The following KAT6A variants were observed in gnomAD, a reference collection of about 807,000 sequenced individuals.
KAT6A encodes histone acetyltransferase KAT6A.
KAT6A carries 9 observed loss-of-function variants against 198.4 expected under a neutral mutation model. The ratio of observed to expected loss-of-function variants is 0.05; its 90% CI spans 0.03 to 0.08. The LOEUF is 0.08. Among genes scored for constraint, KAT6A ranks in the 10% least tolerant of loss-of-function variants. KAT6A has a pLI of 1.00. For synonymous variants in KAT6A, 890 were observed against 883.0 expected (o/e 1.01, Z -0.14); for missense variants, 2,077 against 2,509.9 (o/e 0.83, Z 3.69).
intron 8 of KAT6A, among the ~76,000 whole-genome samples, chr8:41,961,657 G>C (rs1367009563): frequency 6.6e-6 from 1 of 151,026 alleles, no homozygotes; most frequent in African/African-American, 2.4e-5. Flanking sequence ...GGAGGCTGAG[G>C]CAGGAGAATC....
chr8:42,025,588 A>G (rs1247663586), intron 2 of KAT6A, among the ~76,000 whole-genome samples: 1 of 152,068 alleles, frequency 6.6e-6, no homozygotes, highest in African/African-American at 2.4e-5. Flanking sequence ...ATCCTTTGCC[A>G]ACTTGTTAAT....
At chr8:41,997,670 C>CTG (rs1300709634) in intron 2 of KAT6A, among the ~76,000 whole-genome samples, 1 of 152,162 alleles carries the variant, frequency 6.6e-6, no homozygotes, top group Non-Finnish European at 1.5e-5. Flanking sequence ...CCACCATAAG[C>CTG]TTCTCTCAAA....
chr8:41,957,881 C>G (rs1168659119), intron 8 of KAT6A: 1 of 152,636 alleles, frequency 6.6e-6, no homozygotes, highest in African/African-American at 2.4e-5. Context: ...CTTGCAGTAT[C>G]CCCAACTCTG....
chr8:41,961,468 G>C (rs1413024753), intron 8 of KAT6A, among the ~76,000 whole-genome samples: 1 of 152,072 alleles, frequency 6.6e-6, no homozygotes, highest in African/African-American at 2.4e-5. Flanking sequence ...AAGGGGGAGA[G>C]GGGTGTGTGG....
chr8:41,952,729 T>C (rs1205157132), intron 9 of KAT6A, among the ~76,000 whole-genome samples: 2 of 152,174 alleles, frequency 1.3e-5, no homozygotes. Context: ...AAATAGGCAT[T>C]AACAAAATTA....
At chr8:41,989,482 C>G (rs913130800) in intron 2 of KAT6A, among the ~76,000 whole-genome samples, 2 of 152,084 alleles carry the variant, frequency 1.3e-5, no homozygotes, top group East Asian at 1.9e-4. Flanking sequence ...GCACTCCAGC[C>G]TGGGTGACAA....
At chr8:41,957,373 A>G in intron 8 of KAT6A, 2 of 487,272 alleles carry the variant, frequency 4.1e-6, no homozygotes, top group Non-Finnish European at 8.3e-6. Flanking sequence ...CTACACAGGG[A>G]GGAAGAAATG....
intron 8 of KAT6A, among the ~76,000 whole-genome samples, chr8:41,958,916 C>G (rs890909830): frequency 1.2e-4 from 18 of 152,056 alleles, no homozygotes; most frequent in Admixed American, 1.1e-3. Flanking sequence ...TCCCAGCACT[C>G]TGGGAGGCTG....
Position 41,977,115 on chromosome 8 carries a change from G to C in KAT6A, c.1256C>G (p.Pro419Arg). 1 of 1,614,164 alleles carries C rather than the reference G, an allele frequency of 6.2e-7. No homozygotes were observed. Among genetic ancestry groups the C allele is most frequent in the Non-Finnish European group, 8.5e-7 (1 of 1,180,018 alleles). The change falls in exon 7 of 17, where the codon CCT becomes CGT. Residue 419 changes from proline (P) to arginine (R), a missense_variant. Pro to Arg is a moderately radical substitution (Grantham distance 103). Transcript: ENST00000265713. ...LIDGLTKFFT[P>R]SPDGRKARGE... ...CCGAGCTTTCCGCCCATCAGGGGAA[G>C]GGGTAAAAAATTTGGTAAGGCCATC... is the stretch of plus-strand genomic sequence containing the variant.
At position 41,943,878 on chromosome 8, in the gene KAT6A, A is replaced by G. The variant is rs200063996; in HGVS notation, c.2098T>C (p.Leu700=). Residue 700 remains leucine (L), a synonymous_variant, in exon 13 of 17, where the codon TTG becomes CTG. Coordinates refer to ENST00000265713, the MANE Select transcript of KAT6A (RefSeq NM_006766.5). ...TCATTTTGGTGATAAAGGCACTCCAATATTACACTTTTCCAATATGCCATG... is the reference window on the plus strand; with the variant it reads ...TCATTTTGGTGATAAAGGCACTCCAGTATTACACTTTTCCAATATGCCATG... The part of the protein sequence containing the change: ...SYMAYWKSVI[L]ECLYHQNDKQ... The G allele has an allele frequency of 4.5e-5, 72 of 1,613,764 alleles. No individual in the cohort carries two copies. The highest frequency in any genetic ancestry group is 5.8e-5 in the Non-Finnish European group (68 of 1,179,928).
intron 12 of KAT6A, among the ~76,000 whole-genome samples, chr8:41,945,799 C>T (rs995796590): frequency 1.3e-5 from 2 of 152,074 alleles, no homozygotes; most frequent in East Asian, 1.9e-4. Flanking sequence ...GAGGCCAAGG[C>T]GGGTGGATCA....
At position 41,984,009 on chromosome 8, in the gene KAT6A, G is replaced by A. The variant is rs150078837; in HGVS notation, c.710-2055C>T. On this transcript the variant is annotated intron_variant, in intron 3 of 16. Coordinates refer to ENST00000265713, the MANE Select transcript of KAT6A (RefSeq NM_006766.5). ...ATACTTATATAGCTTTTGGCCCTTT[G>A]CCATATTTAAAGCAGTTATTTTCCC... 1.9e-3 allele frequency among the ~76,000 whole-genome samples: 283 copies of A among 152,256 alleles called. 1 individual carries two copies. Among genetic ancestry groups the A allele is most frequent in the African/African-American group, 6.3e-3 (263 of 41,552 alleles).
At position 41,934,667 on chromosome 8, in the gene KAT6A, G is replaced by C. The variant is rs374290942; in HGVS notation, c.3553C>G (p.Gln1185Glu). The change falls in exon 17 of 17, where the codon CAA (glutamine) becomes GAA (glutamate). Residue 1185 changes from glutamine (Q) to glutamate (E), a missense_variant. Gln to Glu is a conservative substitution (Grantham distance 29, BLOSUM62 2). Around this residue, in one of 13 missense-constraint regions of KAT6A, gnomAD observed 375 missense variants for 383.0 expected, o/e 0.98. Coordinates refer to ENST00000265713, the MANE Select transcript of KAT6A (RefSeq NM_006766.5). ...LSREIMPVSTQACVIEPIVSI... is the reference protein window; with the variant it reads ...LSREIMPVSTEACVIEPIVSI... The stretch of plus-strand genomic sequence containing the variant: ...ACGATGGGCTCAATGACGCATGCTT[G>C]AGTAGAAACTGGCATGATTTCCCGA... 1.1e-5 allele frequency: 18 copies of C among 1,614,164 alleles called. No individual in the cohort carries two copies. The highest frequency in any genetic ancestry group is 1.4e-5 in the Non-Finnish European group (16 of 1,180,022).
In KAT6A at chr8:41,941,277, C is replaced by G. The variant is rs376546146; in HGVS notation, c.2604G>C (p.Trp868Cys). ...ANSQPSRRGR[W>C]GRKNRKTQER... The stretch of plus-strand genomic sequence containing the variant: ...CCTGGGTTTTTCTGTTCTTCCTCCC[C>G]CAGCGGCCCCTCCGAGATGGCTGGC... Residue 868 changes from tryptophan to cysteine, a missense_variant, in exon 15 of 17, where the codon TGG becomes TGC. Physicochemically the swap from Trp to Cys is radical, Grantham distance 215. Around this residue, in one of 13 missense-constraint regions of KAT6A, gnomAD observed 301 missense variants for 272.2 expected, o/e 1.11. Transcript: ENST00000265713. 1.1e-5 allele frequency: 18 copies of G among 1,613,884 alleles called. No individual in the cohort carries two copies. The highest frequency in any genetic ancestry group is 3.3e-4 in the Middle Eastern group (2 of 6,082).
Position 41,980,904 on chromosome 8 carries a change from T to C in KAT6A, c.849A>G (p.Ser283=), listed in dbSNP as rs559680678. 1.3e-5 allele frequency: 21 copies of C among 1,613,118 alleles called. No homozygotes were observed. In the South Asian group the frequency reaches 2.1e-4, roughly 16 times the overall value. ...KNADNMLFCD[S]CDRGFHMECC... Reference sequence around the variant, plus strand: ...ACTCCATGTGAAAACCTCGGTCACATGAATCACAAAAGAGCATGTTATCCT... The same window carrying C: ...ACTCCATGTGAAAACCTCGGTCACACGAATCACAAAAGAGCATGTTATCCT... Residue 283 remains serine (S), a synonymous_variant, in exon 5 of 17, where the codon TCA becomes TCG. Coordinates refer to ENST00000265713, the MANE Select transcript of KAT6A (RefSeq NM_006766.5).
At chr8:42,023,406 T>G (rs920881761) in intron 2 of KAT6A, among the ~76,000 whole-genome samples, 2 of 152,214 alleles carry the variant, frequency 1.3e-5, no homozygotes, top group African/African-American at 4.8e-5. Flanking sequence ...CATTATAAAC[T>G]TTTTAATTTC....
intron 2 of KAT6A, among the ~76,000 whole-genome samples, chr8:41,997,104 A>C (rs909180322): frequency 5.3e-5 from 8 of 152,224 alleles, no homozygotes; most frequent in African/African-American, 1.9e-4. Context: ...ATGGAAAAGA[A>C]ATTGATGGTA....
intron 2 of KAT6A, among the ~76,000 whole-genome samples, chr8:41,991,198 A>C (rs888884766): frequency 6.6e-6 from 1 of 152,362 alleles, no homozygotes; most frequent in Non-Finnish European, 1.5e-5. Flanking sequence ...CAAAATGTTC[A>C]GAGCAGCATT....
chr8:41,942,489 A>G (rs1237184964), intron 14 of KAT6A: 2 of 350,440 alleles, frequency 5.7e-6, no homozygotes, highest in African/African-American at 4.2e-5. Context: ...TTCAATTCAG[A>G]TTTCTCAACT....
Sources: allele counts gnomAD v4.1 joint callset (sites outside exome capture counted in the v4.1 genomes callset), GRCh38; gene constraint gnomAD v4.1.1; regional missense constraint gnomAD v4.1.1; transcripts MANE v1.5; gene names NCBI Gene and HGNC (gene_info 2026-07-23, HGNC 2026-07-21).